TBC1D2: variants seen among roughly 807,000 people sequenced by gnomAD.
TBC1D2 encodes TBC1 domain family member 2A.
TBC1D2 carries 58 observed loss-of-function variants against 91.1 expected under a neutral mutation model. That is an observed-to-expected ratio of 0.64 (90% CI 0.52 to 0.79). The LOEUF (loss-of-function observed/expected upper bound fraction) is 0.79, where lower values mean the gene tolerates loss of function less well. Ranked by LOEUF, TBC1D2 falls within the 30% of genes least tolerant of loss-of-function variation. The pLI, the probability that TBC1D2 is intolerant of heterozygous loss-of-function variation, is 0.00. For synonymous variants in TBC1D2, 482 were observed against 511.5 expected (o/e 0.94, Z 0.78); for missense variants, 1,080 against 1,208.3 (o/e 0.89, Z 1.57).
chr9:98,252,022 T>G, intron 1 of TBC1D2, 96 bp from the exon 2 acceptor site: 1 of 1,473,744 alleles, frequency 6.8e-7, no homozygotes, highest in South Asian at 1.3e-5. Context: ...TAGGAATGCT[T>G]TCTTTCCCAG....
Position 98,203,398 on chromosome 9 carries a change from T to C in TBC1D2, c.2161A>G (p.Ile721Val), listed in dbSNP as rs772707967. 1 of 1,614,144 alleles carries C rather than the reference T, an allele frequency of 6.2e-7. No homozygotes were observed. Among genetic ancestry groups the C allele is most frequent in the South Asian group, 1.1e-5 (1 of 91,080 alleles). ...TCCTCCTCTAGGACCAGCAGGGCAA[T>C]GGCCGCCAGCCTGGAGTAGTAGGGA... ...YCQGLNRLAA[I>V]ALLVLEEEES... The change falls in exon 10 of 13, where the codon ATT (isoleucine) becomes GTT (valine). Residue 721 changes from isoleucine to valine, a missense_variant. By Grantham distance (29) the Ile-to-Val change is conservative (BLOSUM62 3). Transcript: ENST00000465784.
In TBC1D2 at chr9:98,199,061, T is replaced by C. The variant is rs1163865693; in HGVS notation, c.*320A>G. On this transcript the variant is annotated 3_prime_UTR_variant, in exon 13 of 13. Transcript: ENST00000465784. ...TTTCCACCATTTACATTGTTTTATA[T>C]TGATATAACCTAGAGAATGTTCCAG... 1 of 492,420 alleles carries C rather than the reference T, an allele frequency of 2.0e-6. No homozygotes were observed. Among genetic ancestry groups the C allele is most frequent in the Non-Finnish European group, 3.7e-6 (1 of 272,222 alleles). 30.5% of individuals were successfully genotyped at this position (492,420 alleles called of 1,614,324 possible).
chr9:98,209,776 C>CTTCCT (rs1828776160), intron 8 of TBC1D2, among the ~76,000 whole-genome samples: 2 of 139,532 alleles, frequency 1.4e-5, no homozygotes, highest in African/African-American at 5.4e-5. Flanking sequence ...TCCTTCCTTC[C>CTTCCT]TTCCTTCCTT....
At chr9:98,238,793 T>C (rs1217349293) in intron 3 of TBC1D2, among the ~76,000 whole-genome samples, 1 of 118,808 alleles carries the variant, frequency 8.4e-6, no homozygotes, top group African/African-American at 6.2e-5. Flanking sequence ...GGCTGGAGTG[T>C]AGTGGTACAA....
At chr9:98,226,897 G>A (rs1169147586) in intron 5 of TBC1D2, among the ~76,000 whole-genome samples, 1 of 152,218 alleles carries the variant, frequency 6.6e-6, no homozygotes, top group African/African-American at 2.4e-5. Flanking sequence ...AGAATGATGA[G>A]TCCTCCAGAG....
chr9:98,213,457 G>C (rs1250943194), intron 6 of TBC1D2: 3 of 1,314,762 alleles, frequency 2.3e-6, no homozygotes, highest in Non-Finnish European at 9.8e-7. Context: ...CTGATGTTCT[G>C]GCTGGAAGGC....
intron 6 of TBC1D2, among the ~76,000 whole-genome samples, chr9:98,218,133 G>A (rs1449578596): frequency 6.6e-6 from 1 of 152,050 alleles, no homozygotes; most frequent in Non-Finnish European, 1.5e-5. Context: ...TTACAGGTGT[G>A]AGCCACCCAT....
intron 5 of TBC1D2, among the ~76,000 whole-genome samples, chr9:98,227,103 T>C (rs1256197141): frequency 6.6e-6 from 1 of 152,238 alleles, no homozygotes; most frequent in African/African-American, 2.4e-5. Context: ...GTAGCTGCTA[T>C]GGCTCTGTTT....
At chr9:98,219,410 T>C (rs1310585015) in intron 6 of TBC1D2, among the ~76,000 whole-genome samples, 1 of 152,234 alleles carries the variant, frequency 6.6e-6, no homozygotes, top group Non-Finnish European at 1.5e-5. Flanking sequence ...GAGTAGTTCT[T>C]TGATAGAGTA....
chr9:98,239,171 A>G (rs1430946914), intron 3 of TBC1D2, among the ~76,000 whole-genome samples: 1 of 151,964 alleles, frequency 6.6e-6, no homozygotes, highest in African/African-American at 2.4e-5. Context: ...TGATCCTTCC[A>G]CCTCAGCCTA....
At chr9:98,217,845 G>T (rs1829006057) in intron 6 of TBC1D2, among the ~76,000 whole-genome samples, 1 of 152,088 alleles carries the variant, frequency 6.6e-6, no homozygotes, top group African/African-American at 2.4e-5. Context: ...CTTCTGAGTA[G>T]CTAGGACTAT....
At chr9:98,241,542 AG>A (rs774525383) in intron 3 of TBC1D2, among the ~76,000 whole-genome samples, 2 of 152,194 alleles carry the variant, frequency 1.3e-5, no homozygotes, top group African/African-American at 4.8e-5. Flanking sequence ...GGCCAAGACA[AG>A]TTACAGGAGG....
chr9:98,202,809 G>A (rs12342843), intron 10 of TBC1D2, among the ~76,000 whole-genome samples: 13,064 of 152,358 alleles, frequency 0.086, 755 homozygotes, highest in Non-Finnish European at 0.13. Context: ...ATGTTAAGAT[G>A]TAAAAATTAA....
At chr9:98,200,513 T>G (rs1183151893) in intron 11 of TBC1D2, 139 bp from the exon 12 acceptor site, 6 of 156,904 alleles carry the variant, frequency 3.8e-5, no homozygotes, top group Non-Finnish European at 5.9e-5. Flanking sequence ...GCACAATGTG[T>G]GGGGATAGGC....
chr9:98,214,774 C>T (rs1029975123), intron 6 of TBC1D2, among the ~76,000 whole-genome samples: 4 of 152,204 alleles, frequency 2.6e-5, no homozygotes, highest in Non-Finnish European at 4.4e-5. Context: ...AGCTCCGATG[C>T]CTGCCCAGGG....
At chr9:98,241,787 G>T (rs1296331252) in intron 3 of TBC1D2, among the ~76,000 whole-genome samples, 2 of 151,982 alleles carry the variant, frequency 1.3e-5, no homozygotes, top group African/African-American at 4.8e-5. Flanking sequence ...TCTCCTGCAG[G>T]GTGCCCTCCA....
At chr9:98,232,304 C>T (rs950336961) in intron 4 of TBC1D2, among the ~76,000 whole-genome samples, 14 of 142,552 alleles carry the variant, frequency 9.8e-5, no homozygotes, top group Non-Finnish European at 1.2e-4. Context: ...ACTGACTGCT[C>T]CAAAGGGTGC....
intron 6 of TBC1D2, among the ~76,000 whole-genome samples, chr9:98,215,758 G>A (rs546671243): frequency 2.6e-5 from 4 of 152,180 alleles, no homozygotes; most frequent in Admixed American, 6.5e-5. Context: ...CTTCCACCTC[G>A]GCCTCCTAAA....
At chr9:98,213,280 T>C in intron 6 of TBC1D2, 62 bp from the exon 7 acceptor site, 1 of 1,597,848 alleles carries the variant, frequency 6.3e-7, no homozygotes, top group Non-Finnish European at 8.6e-7. Context: ...TCCTGGGGAG[T>C]CACACCCTCA....
Sources: allele counts gnomAD v4.1 joint callset (sites outside exome capture counted in the v4.1 genomes callset), GRCh38; gene constraint gnomAD v4.1.1; transcripts MANE v1.5; gene names NCBI Gene and HGNC (gene_info 2026-07-23, HGNC 2026-07-21).